CRYL1: variants seen among roughly 807,000 people sequenced by gnomAD.
The protein encoded by CRYL1 is lambda-crystallin homolog.
A neutral mutation model predicts 36.6 loss-of-function variants in CRYL1; 29 were observed. The observed-to-expected ratio is 0.79, with a 90% CI of 0.59 to 1.08. The LOEUF (loss-of-function observed/expected upper bound fraction) is 1.08, where lower values mean the gene tolerates loss of function less well. Among genes scored for constraint, CRYL1 ranks in the 50% least tolerant of loss-of-function variants. The pLI, the probability that CRYL1 is intolerant of heterozygous loss-of-function variation, is 0.00. For synonymous variants in CRYL1, 152 were observed against 151.5 expected (o/e 1.00, Z -0.02); for missense variants, 411 against 407.9 (o/e 1.01, Z -0.06).
chr13:20,506,985 A>C (rs982253450), intron 2 of CRYL1, among the ~76,000 whole-genome samples: 2 of 152,192 alleles, frequency 1.3e-5, no homozygotes, highest in Admixed American at 6.5e-5. Context: ...TGCTATTCTC[A>C]TAACAGTGAA....
intron 1 of CRYL1, among the ~76,000 whole-genome samples, chr13:20,522,813 G>A (rs933098405): frequency 3.3e-5 from 5 of 150,476 alleles, no homozygotes; most frequent in African/African-American, 9.8e-5. Context: ...ATATTTTAGC[G>A]ATTTAGAAAC....
intron 1 of CRYL1, among the ~76,000 whole-genome samples, chr13:20,520,425 T>TCTTA (rs2034072625): frequency 6.6e-6 from 1 of 152,086 alleles, no homozygotes; most frequent in Admixed American, 6.5e-5. Context: ...ATGGCTTGGG[T>TCTTA]CTTACCCCGC....
chr13:20,514,858 G>A (rs2033973894), intron 1 of CRYL1, among the ~76,000 whole-genome samples: 2 of 152,086 alleles, frequency 1.3e-5, no homozygotes, highest in African/African-American at 2.4e-5. Context: ...ATGAAAGCAT[G>A]TAACAGCAGT....
chr13:20,449,123 G>T (rs1180658026), intron 3 of CRYL1, among the ~76,000 whole-genome samples: 1 of 152,204 alleles, frequency 6.6e-6, no homozygotes, highest in East Asian at 1.9e-4. Flanking sequence ...AGCCAAGATT[G>T]AGCCACTGCA....
chr13:20,512,413 A>G, intron 2 of CRYL1, 30 bp downstream of exon 2: 1 of 1,494,084 alleles, frequency 6.7e-7, no homozygotes, highest in African/African-American at 1.4e-5. Flanking sequence ...ACCCACTTCC[A>G]TTCCTTCTGG....
At chr13:20,412,898 T>G (rs1249270570) in intron 6 of CRYL1, among the ~76,000 whole-genome samples, 4 of 152,320 alleles carry the variant, frequency 2.6e-5, no homozygotes, top group Middle Eastern at 3.4e-3. Context: ...CAGAGGTCCC[T>G]GTGGGTTAAG....
chr13:20,467,109 G>A (rs577529547), intron 3 of CRYL1, among the ~76,000 whole-genome samples: 3 of 39,934 alleles, frequency 7.5e-5, no homozygotes, highest in Middle Eastern at 0.016. Flanking sequence ...CACCACGCCC[G>A]GCTGATTTTT....
intron 4 of CRYL1, 59 bp downstream of exon 4, chr13:20,439,534 A>AAAAAAAAAAAAAAAAAAAAAAG: frequency 7.4e-7 from 1 of 1,349,130 alleles, no homozygotes; most frequent in Non-Finnish European, 9.9e-7. Flanking sequence ...AAAAAAAGAA[A>AAAAAAAAAAAAAAAAAAAAAAG]AAAAAAAAAC....
At chr13:20,448,964 T>C (rs1051778490) in intron 3 of CRYL1, among the ~76,000 whole-genome samples, 8 of 152,288 alleles carry the variant, frequency 5.3e-5, no homozygotes, top group Admixed American at 2.0e-4. Flanking sequence ...GGTCAGGGGT[T>C]CGAGACCAGC....
At chr13:20,487,844 G>T (rs1421927379) in intron 3 of CRYL1, among the ~76,000 whole-genome samples, 4 of 152,108 alleles carry the variant, frequency 2.6e-5, no homozygotes, top group Non-Finnish European at 5.9e-5. Context: ...GCTCACGCCT[G>T]TAATCCCAGC....
chr13:20,430,687 A>C, intron 5 of CRYL1: 1 of 985,368 alleles, frequency 1.0e-6, no homozygotes, highest in Non-Finnish European at 1.2e-6. Context: ...GTGGGCTCAC[A>C]CCTTTCATAT....
intron 2 of CRYL1, among the ~76,000 whole-genome samples, chr13:20,496,262 AAG>A (rs2033603006): frequency 6.6e-6 from 1 of 152,204 alleles, no homozygotes; most frequent in Non-Finnish European, 1.5e-5. Flanking sequence ...GGCACAAAAG[AAG>A]AGTTGTTTAA....
chr13:20,477,148 G>A (rs941513324), intron 3 of CRYL1, among the ~76,000 whole-genome samples: 3 of 152,158 alleles, frequency 2.0e-5, no homozygotes, highest in Non-Finnish European at 2.9e-5. Context: ...GCGACAGAGC[G>A]GGACTCCGTC....
chr13:20,501,019 A>G (rs899174832), intron 2 of CRYL1, among the ~76,000 whole-genome samples: 1 of 151,414 alleles, frequency 6.6e-6, no homozygotes, highest in African/African-American at 2.4e-5. Flanking sequence ...GCCCCCCCCT[A>G]GTTCCTGTTT....
intron 3 of CRYL1, 86 bp from the exon 4 acceptor site, chr13:20,439,840 A>T: frequency 7.6e-7 from 1 of 1,307,636 alleles, no homozygotes; most frequent in Non-Finnish European, 1.1e-6. Context: ...CATTCCTCAA[A>T]TGAACCACTT....
chr13:20,489,157 T>C lies in CRYL1; in HGVS notation c.276+213A>G, dbSNP rs139176916. Reference sequence around the variant, plus strand: ...GCCTCACGGATAAGGCATTGGTCTCTTGAAACAGAACATTGTCACGCTAGT... The same window carrying C: ...GCCTCACGGATAAGGCATTGGTCTCCTGAAACAGAACATTGTCACGCTAGT... On this transcript the variant is annotated intron_variant, in intron 3 of 7. Coordinates refer to ENST00000298248, the MANE Select transcript of CRYL1 (RefSeq NM_015974.3). 2.6e-4 allele frequency among the ~76,000 whole-genome samples: 39 copies of C among 152,350 alleles called. No homozygotes were observed. In the East Asian group the frequency reaches 6.7e-3, roughly 26 times the overall value.
At chr13:20,477,972 T>G (rs1009123072) in intron 3 of CRYL1, among the ~76,000 whole-genome samples, 1 of 117,284 alleles carries the variant, frequency 8.5e-6, no homozygotes, top group African/African-American at 4.9e-5. Context: ...ATTACGTAGT[T>G]ATATATATAT....
intron 3 of CRYL1, among the ~76,000 whole-genome samples, chr13:20,467,459 G>A (rs9509239): frequency 0.82 from 125,231 of 152,170 alleles, 51,661 homozygotes; most frequent in Admixed American, 0.87. Flanking sequence ...TACATGAGTC[G>A]TCACTATATT....
chr13:20,509,579 A>AAACG (rs2033876731), intron 2 of CRYL1, among the ~76,000 whole-genome samples: 7 of 152,242 alleles, frequency 4.6e-5, no homozygotes, highest in Non-Finnish European at 1.0e-4. Flanking sequence ...GATGACAAAC[A>AAACG]TACGAAAAGA....
Sources: gnomAD v4.1 joint callset for allele counts (sites outside exome capture counted in the v4.1 genomes callset) on GRCh38, gnomAD v4.1.1 for gene constraint, MANE v1.5 for transcripts, NCBI Gene and HGNC (gene_info 2026-07-23, HGNC 2026-07-21) for gene names.